UBAC2: variants seen among roughly 807,000 people sequenced by gnomAD.
UBAC2 encodes the protein ubiquitin-associated domain-containing protein 2.
In UBAC2, 26 loss-of-function variants were observed where a neutral mutation model predicts 44.0. That is an observed-to-expected ratio of 0.59 (90% CI 0.43 to 0.82). The LOEUF (loss-of-function observed/expected upper bound fraction) is 0.82. UBAC2 is among the 40% of genes least tolerant of loss of function. The pLI is 0.00. For missense variants in UBAC2, 329 were observed against 419.4 expected, an observed-to-expected ratio of 0.78 and a Z score of 1.88; for synonymous variants, 155 against 154.3, an observed-to-expected ratio of 1.00 and a Z score of -0.04.
chr13:99,316,801 C>G (rs2044498231), intron 5 of UBAC2, among the ~76,000 whole-genome samples: 1 of 152,206 alleles, frequency 6.6e-6, no homozygotes, highest in Non-Finnish European at 1.5e-5. Flanking sequence ...AGAGCCAGTC[C>G]TGGATACACT....
intron 1 of UBAC2, among the ~76,000 whole-genome samples, chr13:99,209,295 G>A (rs574789683): frequency 4.6e-5 from 7 of 152,170 alleles, no homozygotes; most frequent in Admixed American, 2.6e-4. Context: ...CTGTCTTCAC[G>A]GGAGGGAACC....
chr13:99,225,057 G>T (rs2043095794), intron 1 of UBAC2, among the ~76,000 whole-genome samples: 1 of 152,102 alleles, frequency 6.6e-6, no homozygotes, highest in Non-Finnish European at 1.5e-5. Flanking sequence ...GGGTTTGTTT[G>T]GTCCTGGACA....
At chr13:99,293,609 T>C (rs1240816488) in intron 4 of UBAC2, among the ~76,000 whole-genome samples, 1 of 152,246 alleles carries the variant, frequency 6.6e-6, no homozygotes, top group Admixed American at 6.5e-5. Context: ...TCATCCGTGT[T>C]GTCTCACCTG....
intron 1 of UBAC2, among the ~76,000 whole-genome samples, chr13:99,224,058 G>A (rs1004428181): frequency 1.3e-5 from 2 of 152,108 alleles, no homozygotes; most frequent in African/African-American, 4.8e-5. Flanking sequence ...GTCAGCTTGG[G>A]CTGCCATAAC....
chr13:99,342,639 T>G (rs548517631), intron 7 of UBAC2, among the ~76,000 whole-genome samples: 3 of 152,284 alleles, frequency 2.0e-5, no homozygotes, highest in African/African-American at 7.2e-5. Flanking sequence ...GGAGCCACAG[T>G]CATTCTGTCC....
At chr13:99,289,076 G>A (rs545059530) in intron 4 of UBAC2, among the ~76,000 whole-genome samples, 235 of 152,328 alleles carry the variant, frequency 1.5e-3, no homozygotes, top group Middle Eastern at 3.4e-3. Flanking sequence ...TCACTGACAA[G>A]ACAATTGAAG....
At chr13:99,350,270 TAA>T (rs2045062221) in intron 7 of UBAC2, among the ~76,000 whole-genome samples, 1 of 152,168 alleles carries the variant, frequency 6.6e-6, no homozygotes, top group African/African-American at 2.4e-5. Flanking sequence ...GGCACCTAGG[TAA>T]TCCTTCGCCC....
intron 4 of UBAC2, among the ~76,000 whole-genome samples, chr13:99,287,178 G>A (rs569963559): frequency 6.6e-6 from 1 of 152,112 alleles, no homozygotes; most frequent in Non-Finnish European, 1.5e-5. Flanking sequence ...TTTACCATGT[G>A]GTTCCTAAAA....
chr13:99,254,368 G>A (rs2043502223), intron 4 of UBAC2, among the ~76,000 whole-genome samples: 1 of 152,190 alleles, frequency 6.6e-6, no homozygotes, highest in African/African-American at 2.4e-5. Context: ...GGGAAGGGCT[G>A]ATGGGGATGG....
chr13:99,261,507 T>A (rs1371595130), intron 4 of UBAC2: 3 of 152,228 alleles, frequency 2.0e-5, no homozygotes, highest in Admixed American at 2.0e-4. Flanking sequence ...ATACCTCCTT[T>A]CTGTTTGGTT....
chr13:99,284,718 A>G (rs764452278), intron 4 of UBAC2, among the ~76,000 whole-genome samples: 3 of 152,342 alleles, frequency 2.0e-5, no homozygotes, highest in Middle Eastern at 3.4e-3. Context: ...TCATTGGTAC[A>G]TCCCCTTACT....
At chr13:99,271,345 T>C (rs1431356482) in intron 4 of UBAC2, among the ~76,000 whole-genome samples, 1 of 152,112 alleles carries the variant, frequency 6.6e-6, no homozygotes, top group Non-Finnish European at 1.5e-5. Flanking sequence ...GGGGAAAGTA[T>C]TCCAGATATC....
intron 4 of UBAC2, chr13:99,261,553 TTCTTG>T (rs1308603036): frequency 6.6e-6 from 1 of 152,244 alleles, no homozygotes; most frequent in Non-Finnish European, 1.5e-5. Context: ...ATTCCCAAAT[TTCTTG>T]TCTTTAGCAA....
intron 1 of UBAC2, among the ~76,000 whole-genome samples, chr13:99,222,218 A>G (rs1337053873): frequency 2.0e-5 from 3 of 152,220 alleles, no homozygotes; most frequent in Non-Finnish European, 4.4e-5. Flanking sequence ...AGTAGTAAAG[A>G]ATGCCACAGA....
At chr13:99,360,403 GTTA>G (rs1385172101) in intron 7 of UBAC2, among the ~76,000 whole-genome samples, 8 of 152,220 alleles carry the variant, frequency 5.3e-5, no homozygotes, top group African/African-American at 1.9e-4. Context: ...GGTGGGTGCA[GTTA>G]TTATTACCAC....
chr13:99,206,561 T>C (rs2142641796), intron 1 of UBAC2, among the ~76,000 whole-genome samples: 1 of 152,264 alleles, frequency 6.6e-6, no homozygotes, highest in Admixed American at 6.5e-5. Context: ...TTTCTTCATA[T>C]CCAGTCTGGA....
At chr13:99,365,411 T>G (rs1421934736) in intron 7 of UBAC2, among the ~76,000 whole-genome samples, 2 of 152,170 alleles carry the variant, frequency 1.3e-5, no homozygotes, top group Non-Finnish European at 2.9e-5. Flanking sequence ...TTTTCAGTTT[T>G]CTTTTTTTAA....
At chr13:99,369,031 A>G (rs1384046599) in intron 8 of UBAC2, among the ~76,000 whole-genome samples, 1 of 152,188 alleles carries the variant, frequency 6.6e-6, no homozygotes, top group African/African-American at 2.4e-5. Flanking sequence ...AGAATAAATA[A>G]AGGATAGTAA....
At chr13:99,221,955 A>G (rs1026219073) in intron 1 of UBAC2, among the ~76,000 whole-genome samples, 4 of 152,160 alleles carry the variant, frequency 2.6e-5, no homozygotes, top group Non-Finnish European at 4.4e-5. Flanking sequence ...TGGATAGGTA[A>G]TGTACTCTCC....
Sources: gnomAD v4.1 joint callset for allele counts (sites outside exome capture counted in the v4.1 genomes callset) on GRCh38, gnomAD v4.1.1 for gene constraint, MANE v1.5 for transcripts, NCBI Gene and HGNC (gene_info 2026-07-23, HGNC 2026-07-21) for gene names.